Variants in ATAD1 observed in about 807,000 individuals in gnomAD.
ATAD1 encodes the protein outer mitochondrial transmembrane helix translocase.
ATAD1 carries 18 observed loss-of-function variants against 42.7 expected under a neutral mutation model. The ratio of observed to expected loss-of-function variants is 0.42; its 90% CI spans 0.29 to 0.63. ATAD1 has a LOEUF of 0.63. Among genes scored for constraint, ATAD1 ranks in the 20% least tolerant of loss-of-function variants. The pLI is 0.19. For synonymous variants in ATAD1, 132 were observed against 143.1 expected (o/e 0.92, Z 0.55); for missense variants, 294 against 440.4 (o/e 0.67, Z 2.98).
chr10:87,764,082 A>G (rs892453245), intron 8 of ATAD1, among the ~76,000 whole-genome samples: 4 of 152,170 alleles, frequency 2.6e-5, no homozygotes, highest in African/African-American at 9.7e-5. Flanking sequence ...TAAAGACACG[A>G]AAGACCAAGA....
intron 4 of ATAD1, 63 bp downstream of exon 4, chr10:87,790,247 G>A: frequency 6.4e-7 from 1 of 1,569,770 alleles, no homozygotes; most frequent in Non-Finnish European, 8.6e-7. Flanking sequence ...TTCTACAATG[G>A]CAGAAAGTTT....
rs1325451594 is a variant in ATAD1, at chr10:87,776,311, A to T, written c.690+10T>A. ...CCAACACAAGTTGAGGGCAGATTTT[A>T]TTCAAATACCTGGCAGCTGTGATCA... On this transcript the variant is annotated intron_variant, in intron 6 of 9. Transcript: ENST00000680024. 19 of 1,600,754 alleles carry T rather than the reference A, an allele frequency of 1.2e-5. No individual in the cohort carries two copies. The highest frequency in any genetic ancestry group is 1.5e-5 in the Non-Finnish European group (18 of 1,172,282).
chr10:87,765,113 T>C (rs1001845107), intron 8 of ATAD1, among the ~76,000 whole-genome samples: 5 of 151,514 alleles, frequency 3.3e-5, no homozygotes, highest in African/African-American at 1.2e-4. Flanking sequence ...CATTTATGGG[T>C]GAGATATAAT....
At chr10:87,810,794 C>T (rs1857141815) in intron 2 of ATAD1, among the ~76,000 whole-genome samples, 1 of 152,046 alleles carries the variant, frequency 6.6e-6, no homozygotes. Flanking sequence ...GTGTCTTTAT[C>T]TTTAGTTGAA....
At chr10:87,810,814 A>G (rs1027237008) in intron 2 of ATAD1, among the ~76,000 whole-genome samples, 1 of 152,162 alleles carries the variant, frequency 6.6e-6, no homozygotes, top group African/African-American at 2.4e-5. Flanking sequence ...AATACTACAG[A>G]TAGCCTTTTG....
chr10:87,776,241 AG>A, intron 6 of ATAD1, 79 bp downstream of exon 6: 1 of 1,015,336 alleles, frequency 9.8e-7, no homozygotes, highest in East Asian at 2.4e-5. Context: ...TTTGTACAAA[AG>A]CATAGTAAGT....
intron 1 of ATAD1, among the ~76,000 whole-genome samples, chr10:87,817,569 C>T (rs1417122973): frequency 6.6e-6 from 1 of 152,210 alleles, no homozygotes; most frequent in Non-Finnish European, 1.5e-5. Context: ...TATTTCTCTC[C>T]TAATTCATTG....
rs529289910 is a variant in ATAD1, at chr10:87,834,089, T to A, written c.-14+7098A>T. Among the ~76,000 whole-genome samples, 11 of 152,312 alleles carry A rather than the reference T, an allele frequency of 7.2e-5. No individual in the cohort carries two copies. In the South Asian group the frequency reaches 2.3e-3, roughly 32 times the overall value. ...TCTTTACTGTAGTAATATGGTGGAT[T>A]ACATTGATTGATCTTTTGAATATTG... is the stretch of plus-strand genomic sequence containing the variant. On this transcript the variant is annotated intron_variant, in intron 1 of 4. Transcript: ENST00000495903.
At chr10:87,798,625 G>GGGTGT (rs1554881741) in intron 2 of ATAD1, among the ~76,000 whole-genome samples, 1 of 124,858 alleles carries the variant, frequency 8.0e-6, no homozygotes, top group African/African-American at 3.1e-5. Context: ...AGCTATAGGG[G>GGGTGT]GTGTGTGTGT....
chr10:87,783,947 G>C (rs1235389804), intron 5 of ATAD1, among the ~76,000 whole-genome samples: 1 of 149,642 alleles, frequency 6.7e-6, no homozygotes, highest in Non-Finnish European at 1.5e-5. Flanking sequence ...TCAGAAAAAA[G>C]ATAGACTAGA....
At chr10:87,807,035 T>C (rs1397486944) in intron 2 of ATAD1, among the ~76,000 whole-genome samples, 1 of 152,206 alleles carries the variant, frequency 6.6e-6, no homozygotes, top group Non-Finnish European at 1.5e-5. Context: ...ACTCAAGTTC[T>C]AACCAAACTT....
At chr10:87,830,301 G>C (rs1857805323) in intron 1 of ATAD1, among the ~76,000 whole-genome samples, 1 of 152,210 alleles carries the variant, frequency 6.6e-6, no homozygotes, top group Non-Finnish European at 1.5e-5. Context: ...CTCATGAACA[G>C]CTGAAGGAGA....
chr10:87,824,678 TG>T (rs1857693365), intron 1 of ATAD1, among the ~76,000 whole-genome samples: 2 of 152,216 alleles, frequency 1.3e-5, no homozygotes, highest in African/African-American at 4.8e-5. Flanking sequence ...GTAAGGACAA[TG>T]ATCTTTTCAT....
intron 6 of ATAD1, among the ~76,000 whole-genome samples, chr10:87,772,103 G>T (rs1015227359): frequency 6.6e-6 from 1 of 152,034 alleles, no homozygotes; most frequent in Non-Finnish European, 1.5e-5. Context: ...ACACAAATTT[G>T]AAAAATGTTA....
intron 8 of ATAD1, among the ~76,000 whole-genome samples, chr10:87,758,349 A>G (rs1589456189): frequency 1.3e-5 from 2 of 152,312 alleles, no homozygotes; most frequent in South Asian, 2.1e-4. Context: ...GAAGGGAGAA[A>G]AACAGAATAA....
intron 2 of ATAD1, among the ~76,000 whole-genome samples, chr10:87,811,933 ATAT>A (rs1248484191): frequency 6.6e-6 from 1 of 152,160 alleles, no homozygotes; most frequent in Non-Finnish European, 1.5e-5. Flanking sequence ...TCTATAAAAG[ATAT>A]TATAAGTCTT....
intron 2 of ATAD1, among the ~76,000 whole-genome samples, chr10:87,803,689 G>A (rs1856802953): frequency 6.6e-6 from 1 of 152,228 alleles, no homozygotes; most frequent in African/African-American, 2.4e-5. Flanking sequence ...CTGGGCACAT[G>A]TCATCAGGAC....
intron 5 of ATAD1, among the ~76,000 whole-genome samples, chr10:87,777,654 A>G (rs1401757303): frequency 2.0e-5 from 3 of 152,110 alleles, no homozygotes; most frequent in African/African-American, 7.2e-5. Flanking sequence ...CCCATTTCAA[A>G]TGTTTTGTCT....
intron 2 of ATAD1, among the ~76,000 whole-genome samples, chr10:87,795,495 A>T (rs1429641853): frequency 6.8e-6 from 1 of 147,974 alleles, no homozygotes; most frequent in Non-Finnish European, 1.5e-5. Flanking sequence ...AGGTCTCTCC[A>T]AGTGGTTGTT....
Sources: gnomAD v4.1 joint callset for allele counts (sites outside exome capture counted in the v4.1 genomes callset) on GRCh38, gnomAD v4.1.1 for gene constraint, MANE v1.5 for transcripts, NCBI Gene and HGNC (gene_info 2026-07-23, HGNC 2026-07-21) for gene names.